CTNNA3: variants seen among roughly 807,000 people sequenced by gnomAD.
CTNNA3 encodes catenin alpha-3.
In CTNNA3, 76 loss-of-function variants were observed where a neutral mutation model predicts 95.7. The ratio of observed to expected loss-of-function variants is 0.79; its 90% CI spans 0.66 to 0.96. The LOEUF (loss-of-function observed/expected upper bound fraction) is 0.96. CTNNA3 is among the 40% of genes least tolerant of loss of function. The pLI, the probability that CTNNA3 is intolerant of heterozygous loss-of-function variation, is 0.00. For synonymous variants in CTNNA3, 431 were observed against 374.4 expected (o/e 1.15, Z -1.74); for missense variants, 1,191 against 1,089.8 (o/e 1.09, Z -1.31).
chr10:66,401,452 G>C (rs1207470430), intron 11 of CTNNA3, among the ~76,000 whole-genome samples: 1 of 151,230 alleles, frequency 6.6e-6, no homozygotes, highest in Non-Finnish European at 1.5e-5. Context: ...CTGAAGTGGA[G>C]GTTGCTGTGA....
chr10:67,220,164 A>C (rs1202594485), intron 5 of CTNNA3, among the ~76,000 whole-genome samples: 1 of 152,162 alleles, frequency 6.6e-6, no homozygotes, highest in Non-Finnish European at 1.5e-5. Context: ...AAGTAGCTAA[A>C]ATACTCTGGC....
chr10:66,418,622 A>G lies in CTNNA3; in HGVS notation c.1532-39270T>C, dbSNP rs569902150. Among the ~76,000 whole-genome samples, 383 of 151,672 alleles carry G rather than the reference A, an allele frequency of 2.5e-3. 2 individuals are homozygous for G. Among genetic ancestry groups the G allele is most frequent in the African/African-American group, 8.5e-3 (353 of 41,318 alleles). On this transcript the variant is annotated intron_variant, in intron 11 of 17. Transcript: ENST00000433211. The stretch of plus-strand genomic sequence containing the variant: ...ATATCTCTGATAAACATAAACACAA[A>G]AAACCCCAACAAAGTTCAAGCAAAC...
At position 66,364,370 on chromosome 10, in the gene CTNNA3, C is replaced by T. The variant is rs565146128; in HGVS notation, c.1732+14782G>A. On this transcript the variant is annotated intron_variant, in intron 12 of 17. Coordinates refer to ENST00000433211, the MANE Select transcript of CTNNA3 (RefSeq NM_013266.4). ...CCAACTTCGGCAACACAGTGAGATCCCATCTCAATTTTTTAAAAAATTATT... is the reference window on the plus strand; with the variant it reads ...CCAACTTCGGCAACACAGTGAGATCTCATCTCAATTTTTTAAAAAATTATT... 4.6e-5 allele frequency among the ~76,000 whole-genome samples: 7 copies of T among 151,704 alleles called. No individual in the cohort carries two copies. In the South Asian group the frequency reaches 1.5e-3, roughly 32 times the overall value.
chr10:66,872,055 T>A (rs993819743), intron 7 of CTNNA3, among the ~76,000 whole-genome samples: 2 of 152,180 alleles, frequency 1.3e-5, no homozygotes, highest in South Asian at 4.1e-4. Flanking sequence ...CCAATGAAAA[T>A]AGGTGATTTT....
intron 5 of CTNNA3, among the ~76,000 whole-genome samples, chr10:67,458,065 T>C (rs1352421623): frequency 6.6e-6 from 1 of 152,134 alleles, no homozygotes; most frequent in Non-Finnish European, 1.5e-5. Flanking sequence ...GTGAGAATTA[T>C]ATGCCATAAT....
At chr10:66,018,043 A>C (rs185824020) in intron 15 of CTNNA3, among the ~76,000 whole-genome samples, 5 of 152,098 alleles carry the variant, frequency 3.3e-5, no homozygotes, top group Non-Finnish European at 4.4e-5. Flanking sequence ...GATTGGTCCT[A>C]TAGAGGTCTC....
rs1181646039 is a variant in CTNNA3 at position 65,912,556 on chromosome 10, A to C, written c.*7774T>G. On this transcript the variant is annotated 3_prime_UTR_variant, in exon 18 of 18. Coordinates refer to ENST00000433211, the MANE Select transcript of CTNNA3 (RefSeq NM_013266.4). ...CAATCTTTTCATTTTTATTGCTTTA[A>C]CACACATTTTAATTTTCAGTTGAAC... is the stretch of plus-strand genomic sequence containing the variant. 6.6e-6 allele frequency: 1 copy of C among 152,186 alleles called. No individual in the cohort carries two copies. Among genetic ancestry groups the C allele is most frequent in the Non-Finnish European group, 1.5e-5 (1 of 68,028 alleles). The allele number at this position is 152,186 out of a possible 1,614,324, so 9.4% of individuals were successfully genotyped here. A position where few individuals can be genotyped will look rare whatever the true frequency, so the allele number is the denominator to read the frequency against.
At chr10:67,468,522 T>C (rs1170435722) in intron 5 of CTNNA3, among the ~76,000 whole-genome samples, 1 of 152,124 alleles carries the variant, frequency 6.6e-6, no homozygotes, top group Admixed American at 6.6e-5. Flanking sequence ...TTATGTAGCA[T>C]GGATTGCCCC....
intron 5 of CTNNA3, among the ~76,000 whole-genome samples, chr10:67,466,586 C>T (rs1222548841): frequency 6.6e-6 from 1 of 152,084 alleles, no homozygotes; most frequent in Non-Finnish European, 1.5e-5. Flanking sequence ...GTGAACAAAG[C>T]CAAAGAAGAT....
intron 7 of CTNNA3, among the ~76,000 whole-genome samples, chr10:66,820,206 G>T (rs1009137290): frequency 6.6e-6 from 1 of 152,026 alleles, no homozygotes; most frequent in South Asian, 2.1e-4. Flanking sequence ...GATAAACTTT[G>T]AAAACATTAC....
chr10:66,192,306 T>C (rs2086721550), intron 13 of CTNNA3, among the ~76,000 whole-genome samples: 1 of 152,164 alleles, frequency 6.6e-6, no homozygotes, highest in African/African-American at 2.4e-5. Flanking sequence ...ATAGGTTGAG[T>C]GCACATAGAA....
intron 1 of CTNNA3, among the ~76,000 whole-genome samples, chr10:67,722,179 C>T (rs1044188383): frequency 2.6e-5 from 4 of 152,054 alleles, no homozygotes; most frequent in Non-Finnish European, 5.9e-5. Context: ...CACTAAGAAC[C>T]AAATTTTTAG....
intron 5 of CTNNA3, among the ~76,000 whole-genome samples, chr10:67,473,690 A>T (rs1847910918): frequency 2.0e-5 from 3 of 152,190 alleles, no homozygotes; most frequent in Non-Finnish European, 4.4e-5. Context: ...TTGGAAAAAA[A>T]TTAAAAATAA....
chr10:67,365,754 A>G (rs778479950), intron 5 of CTNNA3, among the ~76,000 whole-genome samples: 1 of 152,246 alleles, frequency 6.6e-6, no homozygotes, highest in Non-Finnish European at 1.5e-5. Context: ...GTGAAGAAAT[A>G]GGAACGCTTT....
intron 1 of CTNNA3, among the ~76,000 whole-genome samples, chr10:67,712,834 G>GA (rs557921500): frequency 5.5e-4 from 84 of 152,078 alleles, no homozygotes; most frequent in Admixed American, 3.7e-3. Context: ...AAAAATCCTA[G>GA]AAAAAAACCT....
intron 7 of CTNNA3, among the ~76,000 whole-genome samples, chr10:66,838,045 A>G (rs1184041837): frequency 3.3e-5 from 5 of 151,988 alleles, no homozygotes; most frequent in Admixed American, 3.3e-4. Context: ...TCACTGCATC[A>G]CCTAGGGCAA....
chr10:67,257,070 T>C (rs531548783), intron 5 of CTNNA3, among the ~76,000 whole-genome samples: 1 of 152,336 alleles, frequency 6.6e-6, no homozygotes, highest in African/African-American at 2.4e-5. Context: ...TAAACATGTT[T>C]ATAATTTTAG....
intron 2 of CTNNA3, 27 bp from the exon 3 acceptor site, chr10:67,607,076 A>C: frequency 2.0e-6 from 3 of 1,519,502 alleles, no homozygotes; most frequent in Non-Finnish European, 2.7e-6. Context: ...ACAAAGTACT[A>C]AATTGACAAA....
intron 17 of CTNNA3, among the ~76,000 whole-genome samples, chr10:65,964,041 A>G (rs1276562381): frequency 6.6e-6 from 1 of 152,182 alleles, no homozygotes; most frequent in East Asian, 1.9e-4. Context: ...TGCCAGCTTT[A>G]TTTAGTAAAC....
Sources: gnomAD v4.1 joint callset for allele counts (sites outside exome capture counted in the v4.1 genomes callset) on GRCh38, gnomAD v4.1.1 for gene constraint, MANE v1.5 for transcripts, NCBI Gene and HGNC (gene_info 2026-07-23, HGNC 2026-07-21) for gene names.